The following LRRIQ1 variants were observed in gnomAD, a reference collection of about 807,000 sequenced individuals.
The protein encoded by LRRIQ1 is leucine rich repeats and IQ motif containing 1.
A neutral mutation model predicts 211.9 loss-of-function variants in LRRIQ1; 210 were observed. That is an observed-to-expected ratio of 0.99 (90% confidence interval 0.89 to 1.11). The LOEUF (loss-of-function observed/expected upper bound fraction) is 1.11, where lower values mean the gene tolerates loss of function less well. Among genes scored for constraint, LRRIQ1 ranks in the 50% most tolerant of loss-of-function variants. The pLI is 0.00. For synonymous variants in LRRIQ1, 699 were observed against 650.1 expected, an observed-to-expected ratio of 1.08 and a Z score of -1.14; for missense variants, 2,136 against 1,939.5, an observed-to-expected ratio of 1.10 and a Z score of -1.90.
At chr12:85,081,723 C>CTTTTTTTTTTTTT (rs766961193) in intron 11 of LRRIQ1, among the ~76,000 whole-genome samples, 7 of 113,440 alleles carry the variant, frequency 6.2e-5, no homozygotes, top group East Asian at 2.5e-4. Flanking sequence ...TCTTCTTCTT[C>CTTTTTTTTTTTTT]TTTTTTTTTT....
chr12:85,045,030 C>A (rs2135907919), intron 4 of LRRIQ1, among the ~76,000 whole-genome samples: 1 of 151,894 alleles, frequency 6.6e-6, no homozygotes, highest in South Asian at 2.1e-4. Context: ...GTGGGTTGAG[C>A]CATTTATACC....
chr12:85,044,052 G>T (rs374396726), intron 3 of LRRIQ1, among the ~76,000 whole-genome samples: 1 of 152,208 alleles, frequency 6.6e-6, no homozygotes, highest in South Asian at 2.1e-4. Flanking sequence ...AGGAAAGCAT[G>T]CCAGAAAGGT....
intron 1 of LRRIQ1, among the ~76,000 whole-genome samples, chr12:85,261,743 A>G (rs1313339881): frequency 6.7e-6 from 1 of 149,722 alleles, no homozygotes; most frequent in African/African-American, 2.5e-5. Flanking sequence ...GCAGAGGATC[A>G]TAATTTTTAT....
At chr12:85,040,088 A>T (rs1198366977) in intron 2 of LRRIQ1, among the ~76,000 whole-genome samples, 1 of 151,616 alleles carries the variant, frequency 6.6e-6, no homozygotes, top group Non-Finnish European at 1.5e-5. Context: ...ATAAATAATT[A>T]TATCAGGTAT....
chr12:85,116,626 G>T (rs1386144149), intron 15 of LRRIQ1, among the ~76,000 whole-genome samples: 6 of 152,204 alleles, frequency 3.9e-5, no homozygotes, highest in East Asian at 3.9e-4. Context: ...TGTCATGGGG[G>T]TTTGTTGTAG....
At chr12:85,134,541 A>T (rs1468548639) in intron 18 of LRRIQ1, among the ~76,000 whole-genome samples, 1 of 151,966 alleles carries the variant, frequency 6.6e-6, no homozygotes, top group Non-Finnish European at 1.5e-5. Flanking sequence ...CATGCTACTT[A>T]TTTACCCTCC....
chr12:85,249,788 A>G (rs1391844325), downstream of LRRIQ1, among the ~76,000 whole-genome samples: 1 of 151,938 alleles, frequency 6.6e-6, no homozygotes, highest in Non-Finnish European at 1.5e-5. Flanking sequence ...TATGTATGAG[A>G]TTTAGATTAA....
chr12:85,073,118 T>G lies in LRRIQ1; in HGVS notation c.2887+20T>G. 6.4e-7 allele frequency: 1 copy of G among 1,553,168 alleles called. No individual in the cohort carries two copies. The highest frequency in any genetic ancestry group is 2.3e-5 in the East Asian group (1 of 43,494). On this transcript the variant is annotated intron_variant, in intron 11 of 26. Transcript: ENST00000393217. ...GGAATTGTAAGTTGTGTTTATTTTT[T>G]ATTTTGTTACTCTTTATGGATTTCT...
chr12:85,236,382 T>G (rs1291152873), intron 26 of LRRIQ1, among the ~76,000 whole-genome samples: 1 of 152,130 alleles, frequency 6.6e-6, no homozygotes, highest in African/African-American at 2.4e-5. Context: ...CAGAAAGATC[T>G]CTTTCAGGTA....
intron 24 of LRRIQ1, among the ~76,000 whole-genome samples, chr12:85,195,696 A>G (rs1256567863): frequency 6.6e-6 from 1 of 151,808 alleles, no homozygotes; most frequent in East Asian, 1.9e-4. Flanking sequence ...AGAGCTATCT[A>G]TGACAAACCC....
chr12:85,058,209 T>C (rs1215721265), intron 8 of LRRIQ1, among the ~76,000 whole-genome samples: 1 of 151,996 alleles, frequency 6.6e-6, no homozygotes, highest in African/African-American at 2.4e-5. Flanking sequence ...GTATATGAAA[T>C]AGCAATATAA....
chr12:85,099,625 T>G (rs1886186169), intron 13 of LRRIQ1, among the ~76,000 whole-genome samples: 1 of 151,846 alleles, frequency 6.6e-6, no homozygotes, highest in South Asian at 2.1e-4. Context: ...TATTTCATTG[T>G]AATCCATTCA....
Position 85,098,467 on chromosome 12 carries a change from T to C in LRRIQ1, c.3000T>C (p.His1000=). 4 of 1,612,166 alleles carry C rather than the reference T, an allele frequency of 2.5e-6. No homozygotes were observed. The South Asian group carries it at 3.3e-5, about 13-fold the overall frequency. Residue 1000 remains histidine, a synonymous_variant, in exon 12 of 27, where the codon CAT becomes CAC. Transcript: ENST00000393217. The part of the protein sequence containing the change: ...TPTIVYLDCS[H]NHLTDVEGVE... Reference sequence around the variant, plus strand: ...CCATTGTATACCTAGATTGCTCCCATAATCATCTTACTGATGTAGAGGGCG... The same window carrying C: ...CCATTGTATACCTAGATTGCTCCCACAATCATCTTACTGATGTAGAGGGCG...
chr12:85,196,359 A>G (rs961590902), intron 24 of LRRIQ1, among the ~76,000 whole-genome samples: 12 of 152,136 alleles, frequency 7.9e-5, no homozygotes, highest in African/African-American at 2.4e-4. Context: ...AAAAGAGCCC[A>G]CATCGCCAAG....
intron 13 of LRRIQ1, among the ~76,000 whole-genome samples, chr12:85,102,160 T>C (rs1246438962): frequency 6.6e-6 from 1 of 151,606 alleles, no homozygotes; most frequent in Non-Finnish European, 1.5e-5. Flanking sequence ...GTAACAATTA[T>C]ACAGAACGTG....
intron 24 of LRRIQ1, among the ~76,000 whole-genome samples, chr12:85,211,010 T>C (rs1301237757): frequency 6.6e-6 from 1 of 152,206 alleles, no homozygotes; most frequent in Non-Finnish European, 1.5e-5. Flanking sequence ...CACTTTACCT[T>C]TGTAGAAATT....
chr12:85,214,689 T>C (rs956262320), intron 24 of LRRIQ1, among the ~76,000 whole-genome samples: 1 of 152,018 alleles, frequency 6.6e-6, no homozygotes, highest in African/African-American at 2.4e-5. Flanking sequence ...TTATCTATAT[T>C]AAAATAAGTT....
intron 11 of LRRIQ1, among the ~76,000 whole-genome samples, chr12:85,086,377 C>T (rs375595043): frequency 2.2e-4 from 34 of 152,060 alleles, no homozygotes; most frequent in African/African-American, 7.5e-4. Flanking sequence ...ACTGAGTTGT[C>T]GTGAGGTCTG....
intron 3 of LRRIQ1, among the ~76,000 whole-genome samples, chr12:85,041,100 A>G (rs1041128189): frequency 4.6e-5 from 7 of 151,748 alleles, no homozygotes; most frequent in Non-Finnish European, 1.0e-4. Flanking sequence ...ATGTTCAACA[A>G]GACCTTTTTT....
Sources: allele counts gnomAD v4.1 joint callset (sites outside exome capture counted in the v4.1 genomes callset), GRCh38; gene constraint gnomAD v4.1.1; transcripts MANE v1.5; gene names NCBI Gene and HGNC (gene_info 2026-07-23, HGNC 2026-07-21).